Variants in PTPRT observed in about 807,000 individuals in gnomAD.
PTPRT encodes the protein receptor-type tyrosine-protein phosphatase T.
Under a neutral mutation model 176.8 loss-of-function variants are expected in PTPRT, and 56 were observed. The observed-to-expected ratio is 0.32, with a 90% CI of 0.26 to 0.40. The LOEUF is 0.40. Ranked by LOEUF, PTPRT falls within the 10% of genes least tolerant of loss-of-function variation. PTPRT has a pLI of 1.00. For synonymous variants in PTPRT, 783 were observed against 739.0 expected (o/e 1.06, Z -0.96); for missense variants, 1,540 against 1,908.2 (o/e 0.81, Z 3.60).
At chr20:42,140,846 C>A (rs997296697) in intron 18 of PTPRT, among the ~76,000 whole-genome samples, 10 of 152,138 alleles carry the variant, frequency 6.6e-5, no homozygotes, top group Admixed American at 5.9e-4. Context: ...CAAGCAAGTA[C>A]CCCTGTGGCT....
intron 7 of PTPRT, among the ~76,000 whole-genome samples, chr20:42,475,391 G>C (rs529608610): frequency 6.6e-6 from 1 of 152,220 alleles, no homozygotes; most frequent in Non-Finnish European, 1.5e-5. Flanking sequence ...CTGGGAGGAA[G>C]GCATCACTAG....
intron 1 of PTPRT, among the ~76,000 whole-genome samples, chr20:43,186,898 C>CAATA (rs1213147266): frequency 3.3e-5 from 5 of 152,194 alleles, no homozygotes; most frequent in African/African-American, 9.7e-5. Flanking sequence ...TTTTTGCTCT[C>CAATA]AATATGTGGA....
chr20:42,159,848 T>C (rs188053759), intron 17 of PTPRT, among the ~76,000 whole-genome samples: 6 of 152,268 alleles, frequency 3.9e-5, no homozygotes, highest in African/African-American at 1.4e-4. Context: ...TTATCCAAAT[T>C]CTTCATTCGA....
At chr20:42,086,666 G>T (rs1041874164) in intron 27 of PTPRT, among the ~76,000 whole-genome samples, 12 of 143,326 alleles carry the variant, frequency 8.4e-5, no homozygotes, top group Middle Eastern at 7.1e-3. Context: ...GGCGGAGCTT[G>T]CAGTGAGCTG....
chr20:42,295,192 A>G (rs1294886549), intron 12 of PTPRT, among the ~76,000 whole-genome samples: 1 of 152,204 alleles, frequency 6.6e-6, no homozygotes, highest in African/African-American at 2.4e-5. Flanking sequence ...AAACTATTAA[A>G]CTTAGAATAA....
intron 6 of PTPRT, among the ~76,000 whole-genome samples, chr20:42,714,567 GACTA>G (rs1212690029): frequency 6.6e-5 from 10 of 152,320 alleles, no homozygotes; most frequent in African/African-American, 2.2e-4. Context: ...GGCCACAACT[GACTA>G]ACTGGCACTT....
the PTPRT span, among the ~76,000 whole-genome samples, chr20:42,067,554 G>A: frequency 6.6e-6 from 1 of 152,112 alleles, no homozygotes; most frequent in Non-Finnish European, 1.5e-5. Flanking sequence ...AGTAAAACAG[G>A]ACCCCTTACC....
intron 7 of PTPRT, among the ~76,000 whole-genome samples, chr20:42,542,396 G>C (rs1261056090): frequency 6.8e-6 from 1 of 146,552 alleles, no homozygotes; most frequent in African/African-American, 2.4e-5. Context: ...GTTTCCAGGG[G>C]GAAAAAAAAT....
chr20:42,061,484 T>C, the PTPRT span, among the ~76,000 whole-genome samples: 1 of 152,256 alleles, frequency 6.6e-6, no homozygotes, highest in Non-Finnish European at 1.5e-5. Flanking sequence ...AATGTGTTGA[T>C]AGTTTAATCC....
intron 2 of PTPRT, among the ~76,000 whole-genome samples, chr20:42,879,080 T>TA (rs1347859926): frequency 6.6e-6 from 1 of 152,132 alleles, no homozygotes; most frequent in African/African-American, 2.4e-5. Context: ...TTCCAATACT[T>TA]ACAGAGCTCG....
chr20:43,102,907 G>A (rs2012453672), intron 1 of PTPRT, among the ~76,000 whole-genome samples: 1 of 152,046 alleles, frequency 6.6e-6, no homozygotes, highest in South Asian at 2.1e-4. Flanking sequence ...GCAAAACTAA[G>A]ACACAGAGAG....
At chr20:43,066,895 T>C (rs1256201234) in intron 1 of PTPRT, among the ~76,000 whole-genome samples, 1 of 152,230 alleles carries the variant, frequency 6.6e-6, no homozygotes, top group Non-Finnish European at 1.5e-5. Context: ...CTGGCACTTT[T>C]TGTGCTACAA....
chr20:43,186,199 G>A (rs1221119493), intron 1 of PTPRT, among the ~76,000 whole-genome samples: 2 of 152,198 alleles, frequency 1.3e-5, no homozygotes, highest in East Asian at 3.9e-4. Context: ...TGAGAAGCTG[G>A]GGAGCTGAGA....
intron 12 of PTPRT, among the ~76,000 whole-genome samples, chr20:42,307,031 G>C (rs2057553711): frequency 6.6e-6 from 1 of 152,222 alleles, no homozygotes; most frequent in Admixed American, 6.5e-5. Flanking sequence ...GAACTGCCCA[G>C]GTGCTTCAGG....
intron 12 of PTPRT, among the ~76,000 whole-genome samples, chr20:42,305,619 G>A (rs1027612781): frequency 2.6e-5 from 4 of 151,876 alleles, no homozygotes; most frequent in African/African-American, 7.3e-5. Context: ...ACGTGTGTGT[G>A]TGCGTGTATG....
intron 7 of PTPRT, among the ~76,000 whole-genome samples, chr20:42,574,000 G>A (rs1003280656): frequency 6.6e-6 from 1 of 151,978 alleles, no homozygotes; most frequent in Non-Finnish European, 1.5e-5. Context: ...CACCACCTCG[G>A]CCTCCCAAAG....
intron 2 of PTPRT, among the ~76,000 whole-genome samples, chr20:42,794,420 C>A (rs754433535): frequency 6.6e-6 from 1 of 152,180 alleles, no homozygotes. Flanking sequence ...CATCCACCCC[C>A]AGGCCTATTG....
At chr20:42,531,871 T>C (rs1444767360) in intron 7 of PTPRT, among the ~76,000 whole-genome samples, 4 of 152,084 alleles carry the variant, frequency 2.6e-5, no homozygotes, top group Non-Finnish European at 5.9e-5. Flanking sequence ...AAGGGAAACA[T>C]ATACAGAAAA....
chr20:42,121,699 A>T (rs398040669), intron 19 of PTPRT, among the ~76,000 whole-genome samples: 3 of 14,482 alleles, frequency 2.1e-4, no homozygotes, highest in South Asian at 1.1e-3. Context: ...GAAATTTTTT[A>T]TATATATATA....
Sources: allele counts gnomAD v4.1 joint callset (sites outside exome capture counted in the v4.1 genomes callset), GRCh38; gene constraint gnomAD v4.1.1; transcripts MANE v1.5; gene names NCBI Gene and HGNC (gene_info 2026-07-23, HGNC 2026-07-21).